PARD3B: variants seen among roughly 807,000 people sequenced by gnomAD.
The protein encoded by PARD3B is partitioning defective 3 homolog B.
A neutral mutation model predicts 130.2 loss-of-function variants in PARD3B; 103 were observed. The ratio of observed to expected loss-of-function variants is 0.79; its 90% CI spans 0.67 to 0.93. PARD3B has a LOEUF of 0.93. Ranked by LOEUF, PARD3B falls within the 40% of genes least tolerant of loss-of-function variation. PARD3B has a pLI of 0.00. For synonymous variants in PARD3B, 583 were observed against 553.2 expected (o/e 1.05, Z -0.76); for missense variants, 1,609 against 1,499.2 (o/e 1.07, Z -1.21).
At chr2:204,937,129 A>G (rs1038377437) in intron 2 of PARD3B, among the ~76,000 whole-genome samples, 2 of 152,368 alleles carry the variant, frequency 1.3e-5, no homozygotes, top group South Asian at 4.1e-4. Context: ...TACTGGAACC[A>G]TTGACCTCGG....
chr2:205,369,004 TA>T (rs139363161), intron 18 of PARD3B, among the ~76,000 whole-genome samples: 4,691 of 152,246 alleles, frequency 0.031, 209 homozygotes, highest in African/African-American at 0.11. Flanking sequence ...CAAAACACTC[TA>T]AAATGTAAGT....
rs564601233 is a variant in PARD3B at position 205,523,314 on chromosome 2, G to A, written c.3180+23283G>A. ...GGATGCAGTGCAGTGGTGCAATCTCGGCTCACTGCAACCTCCGCCTCCCAG... is the reference window on the plus strand; with the variant it reads ...GGATGCAGTGCAGTGGTGCAATCTCAGCTCACTGCAACCTCCGCCTCCCAG... On this transcript the variant is annotated intron_variant, in intron 21 of 22. Coordinates refer to ENST00000406610, the MANE Select transcript of PARD3B (RefSeq NM_001302769.2). Among the ~76,000 whole-genome samples the A allele has an allele frequency of 2.1e-4, 32 of 149,908 alleles. No individual in the cohort carries two copies. The South Asian group carries it at 6.3e-3, about 30-fold the overall frequency.
chr2:205,415,110 A>T (rs2046730272), intron 19 of PARD3B, among the ~76,000 whole-genome samples: 2 of 152,172 alleles, frequency 1.3e-5, no homozygotes, highest in African/African-American at 4.8e-5. Flanking sequence ...ATATTGAAAA[A>T]ATCTGCAATG....
intron 10 of PARD3B, among the ~76,000 whole-genome samples, chr2:205,145,505 G>A (rs561756542): frequency 6.6e-6 from 1 of 152,284 alleles, no homozygotes; most frequent in African/African-American, 2.4e-5. Flanking sequence ...AATACTAATT[G>A]TGAAATATGT....
In PARD3B at chr2:205,300,770, A is replaced by T. The variant is rs192096850; in HGVS notation, c.2392+34A>T. 2 of 1,580,368 alleles carry T rather than the reference A, an allele frequency of 1.3e-6. 1 individual carries two copies. Among genetic ancestry groups the T allele is most frequent in the South Asian group, 2.2e-5 (2 of 89,810 alleles). On this transcript the variant is annotated intron_variant, in intron 17 of 22. Coordinates refer to ENST00000406610, the MANE Select transcript of PARD3B (RefSeq NM_001302769.2). This position sits in a 1 kb window ranked among gnomAD's most constrained non-coding sequence, Gnocchi z 4.1. The stretch of plus-strand genomic sequence containing the variant: ...ATATGCTTCCTTAAATGGCTTCTTC[A>T]TCTCATTATTATCTGCAAATCATGG...
chr2:205,494,101 C>A (rs768445701), intron 20 of PARD3B, among the ~76,000 whole-genome samples: 31 of 152,060 alleles, frequency 2.0e-4, no homozygotes, highest in Non-Finnish European at 4.1e-4. Context: ...AATCTGGACA[C>A]CAGGCTGGTA....
intron 2 of PARD3B, among the ~76,000 whole-genome samples, chr2:204,781,330 G>A (rs1255683598): frequency 6.6e-6 from 1 of 151,482 alleles, no homozygotes; most frequent in African/African-American, 2.4e-5. Flanking sequence ...CATAATATTG[G>A]CACAAAAAAA....
intron 2 of PARD3B, among the ~76,000 whole-genome samples, chr2:204,713,762 A>G (rs908862643): frequency 2.1e-4 from 32 of 152,120 alleles, no homozygotes; most frequent in African/African-American, 7.7e-4. Flanking sequence ...AGGCTGAATA[A>G]TAGTCCTCTC....
At chr2:205,188,341 AGG>A (rs2036207521) in intron 14 of PARD3B, among the ~76,000 whole-genome samples, 1 of 152,180 alleles carries the variant, frequency 6.6e-6, no homozygotes, top group South Asian at 2.1e-4. Flanking sequence ...ATCAATGGGA[AGG>A]GCATTGTCTG....
At position 205,220,463 on chromosome 2, in the gene PARD3B, G is replaced by A. The variant is rs774558010; in HGVS notation, c.2141-25315G>A. Reference sequence around the variant, plus strand: ...AGCCCAATCCATGGGCTACTGTTAGGTGCCTCATTACCAACTTTCAAGGTT... The same window carrying A: ...AGCCCAATCCATGGGCTACTGTTAGATGCCTCATTACCAACTTTCAAGGTT... On this transcript the variant is annotated intron_variant, in intron 15 of 22. Transcript: ENST00000406610. Among the ~76,000 whole-genome samples, 7 of 152,082 alleles carry A rather than the reference G, an allele frequency of 4.6e-5. No homozygotes were observed. In the South Asian group the frequency reaches 6.2e-4, roughly 14 times the overall value.
intron 10 of PARD3B, among the ~76,000 whole-genome samples, chr2:205,145,318 G>A (rs768558035): frequency 4.4e-5 from 6 of 135,432 alleles, no homozygotes; most frequent in African/African-American, 5.4e-5. Context: ...CCAACCCTCC[G>A]CCGCCCCCGC....
At chr2:205,581,717 C>T (rs1426728435) in intron 22 of PARD3B, among the ~76,000 whole-genome samples, 1 of 151,342 alleles carries the variant, frequency 6.6e-6, no homozygotes, top group Non-Finnish European at 1.5e-5. Flanking sequence ...ATCACATGTA[C>T]CCTATAAATA....
In PARD3B at chr2:205,616,154, A is replaced by G; in HGVS notation, c.*341A>G. The G allele has an allele frequency of 3.9e-6, 1 of 253,646 alleles. No individual in the cohort carries two copies. Among genetic ancestry groups the G allele is most frequent in the Non-Finnish European group, 7.5e-6 (1 of 133,284 alleles). The allele number at this position is 253,646 out of a possible 1,614,324, so 15.7% of individuals were successfully genotyped here. ...TACTCTGGGGATCCTCTCTGGCTAG[A>G]TAACCTGTGCTGATGTGCAGACACG... is the stretch of plus-strand genomic sequence containing the variant. On this transcript the variant is annotated 3_prime_UTR_variant, in exon 23 of 23. Transcript: ENST00000406610.
chr2:204,771,598 T>G (rs1032447032), intron 2 of PARD3B, among the ~76,000 whole-genome samples: 1 of 152,068 alleles, frequency 6.6e-6, no homozygotes, highest in South Asian at 2.1e-4. Context: ...ATGGGATCAA[T>G]AGAAGCCCAA....
At chr2:205,143,936 C>T (rs1047381149) in intron 10 of PARD3B, among the ~76,000 whole-genome samples, 1 of 152,072 alleles carries the variant, frequency 6.6e-6, no homozygotes, top group Non-Finnish European at 1.5e-5. Flanking sequence ...ATCATTAACC[C>T]TTGATAGGTC....
At chr2:205,216,177 T>C (rs1430080930) in intron 15 of PARD3B, among the ~76,000 whole-genome samples, 1 of 152,184 alleles carries the variant, frequency 6.6e-6, no homozygotes, top group Non-Finnish European at 1.5e-5. Flanking sequence ...AAATTGCCTA[T>C]AGTATTCACT....
Position 205,550,100 on chromosome 2 carries a change from G to A in PARD3B, c.3181-3224G>A, listed in dbSNP as rs1027077719. Among the ~76,000 whole-genome samples the A allele has an allele frequency of 5.3e-5, 8 of 152,062 alleles. No homozygotes were observed. Among genetic ancestry groups the A allele is most frequent in the Non-Finnish European group, 1.2e-4 (8 of 68,018 alleles). ...AATTCCCTGAAGACACAGTGCTTTC[G>A]ATATGCCTCCATGGTTTTTCACTTT... On this transcript the variant is annotated intron_variant, in intron 21 of 22. Coordinates refer to ENST00000406610, the MANE Select transcript of PARD3B (RefSeq NM_001302769.2). This position sits in a 1 kb window ranked among gnomAD's most constrained non-coding sequence, Gnocchi z 4.5.
chr2:204,634,648 A>AT (rs1037928864), intron 1 of PARD3B, among the ~76,000 whole-genome samples: 4 of 151,770 alleles, frequency 2.6e-5, no homozygotes, highest in Non-Finnish European at 5.9e-5. Context: ...TGGTGTTAAC[A>AT]TTTTTTTTCT....
chr2:204,574,540 C>A (rs921362555), intron 1 of PARD3B, among the ~76,000 whole-genome samples: 1 of 152,220 alleles, frequency 6.6e-6, no homozygotes, highest in South Asian at 2.1e-4. Context: ...GGCAGCATAG[C>A]GTGTTTGTCA....
Sources: gnomAD v4.1 joint callset for allele counts (sites outside exome capture counted in the v4.1 genomes callset) on GRCh38, gnomAD v4.1.1 for gene constraint, Gnocchi (gnomAD v3.1) non-coding constraint, MANE v1.5 for transcripts, NCBI Gene and HGNC (gene_info 2026-07-23, HGNC 2026-07-21) for gene names.